Variants in ZPBP observed in about 807,000 individuals in gnomAD.
The protein encoded by ZPBP is zona pellucida binding protein, also known as zona pellucida-binding protein 1.
Under a neutral mutation model 44.8 loss-of-function variants are expected in ZPBP, and 26 were observed. The observed-to-expected ratio is 0.58, with a 90% CI of 0.43 to 0.81. ZPBP has a LOEUF of 0.81. Ranked by LOEUF, ZPBP falls within the 30% of genes least tolerant of loss-of-function variation. ZPBP has a pLI of 0.00. For synonymous variants in ZPBP, 174 were observed against 153.2 expected (o/e 1.14, Z -1.00); for missense variants, 409 against 434.0 (o/e 0.94, Z 0.51).
intron 7 of ZPBP, among the ~76,000 whole-genome samples, chr7:49,954,355 A>G (rs1319410843): frequency 6.6e-6 from 1 of 152,188 alleles, no homozygotes; most frequent in Non-Finnish European, 1.5e-5. Flanking sequence ...GGAAAAAAAC[A>G]TAAGGTTAAA....
chr7:50,073,193 T>C (rs1801933936), intron 3 of ZPBP, among the ~76,000 whole-genome samples: 1 of 152,022 alleles, frequency 6.6e-6, no homozygotes, highest in South Asian at 2.1e-4. Flanking sequence ...TAATTAGATA[T>C]ATTTAACAAA....
intron 3 of ZPBP, among the ~76,000 whole-genome samples, chr7:50,074,889 C>G (rs1476237913): frequency 6.6e-6 from 1 of 151,740 alleles, no homozygotes; most frequent in African/African-American, 2.4e-5. Flanking sequence ...AAGGAAACAT[C>G]AGACTTAATC....
intron 2 of ZPBP, among the ~76,000 whole-genome samples, chr7:49,885,916 C>T (rs532435386): frequency 2.6e-5 from 4 of 152,348 alleles, no homozygotes; most frequent in East Asian, 3.9e-4. Flanking sequence ...TCAAGACCTC[C>T]GTGATTCTGG....
chr7:50,091,979 T>C (rs934151876), intron 1 of ZPBP, among the ~76,000 whole-genome samples: 2 of 152,178 alleles, frequency 1.3e-5, no homozygotes, highest in East Asian at 1.9e-4. Flanking sequence ...ATGGGACTAA[T>C]AATAATTCCA....
At chr7:49,978,946 A>T (rs1040045090) in intron 7 of ZPBP, among the ~76,000 whole-genome samples, 1 of 152,094 alleles carries the variant, frequency 6.6e-6, no homozygotes, top group Admixed American at 6.6e-5. Flanking sequence ...AATAGCTTAC[A>T]GGAATGATAA....
intron 2 of ZPBP, among the ~76,000 whole-genome samples, chr7:49,900,680 A>G (rs1792675239): frequency 6.6e-6 from 1 of 151,852 alleles, no homozygotes; most frequent in South Asian, 2.1e-4. Flanking sequence ...CTTCCAAAAC[A>G]GGAAGCACCG....
chr7:50,018,666 T>A (rs1208433969), intron 5 of ZPBP, among the ~76,000 whole-genome samples: 2 of 152,026 alleles, frequency 1.3e-5, no homozygotes, highest in African/African-American at 4.8e-5. Flanking sequence ...TGTATTTAAC[T>A]CTATATAATA....
In ZPBP at chr7:49,948,535, C is replaced by T. The variant is rs572009845; in HGVS notation, c.962-10913G>A. On this transcript the variant is annotated intron_variant, in intron 7 of 7. Transcript: ENST00000046087. ...AAACTCCTATAATTCAACAAACAAC[C>T]CAATTAAAAAATGGGAAGAAGACTT... Among the ~76,000 whole-genome samples, 10 of 151,848 alleles carry T rather than the reference C, an allele frequency of 6.6e-5. 1 individual carries two copies. In the South Asian group the frequency reaches 2.1e-3, roughly 32 times the overall value.
chr7:49,951,299 C>G (rs1234144881), intron 7 of ZPBP, among the ~76,000 whole-genome samples: 2 of 151,724 alleles, frequency 1.3e-5, no homozygotes, highest in African/African-American at 4.8e-5. Context: ...AAAATATTTG[C>G]AAAGCATATA....
intron 2 of ZPBP, among the ~76,000 whole-genome samples, chr7:49,876,326 C>T (rs1791413271): frequency 6.6e-6 from 1 of 152,018 alleles, no homozygotes; most frequent in African/African-American, 2.4e-5. Flanking sequence ...ATTTAAAAGA[C>T]CCAATTTTTA....
chr7:49,941,848 T>G (rs549667254), intron 7 of ZPBP, among the ~76,000 whole-genome samples: 1 of 152,250 alleles, frequency 6.6e-6, no homozygotes, highest in East Asian at 1.9e-4. Context: ...TCACATTTCC[T>G]GATTTTAAAA....
At chr7:49,853,232 G>A (rs1790269690) in intron 2 of ZPBP, among the ~76,000 whole-genome samples, 1 of 152,274 alleles carries the variant, frequency 6.6e-6, no homozygotes, top group Admixed American at 6.5e-5. Flanking sequence ...GCCGTGTGGA[G>A]TGGGCATGTT....
intron 4 of ZPBP, among the ~76,000 whole-genome samples, chr7:50,054,237 G>A (rs1050448348): frequency 1.3e-5 from 2 of 150,586 alleles, no homozygotes; most frequent in Non-Finnish European, 3.0e-5. Context: ...ACAACTCAGA[G>A]AATTAAAATT....
At position 49,978,030 on chromosome 7, in the gene ZPBP, T is replaced by TA. The variant is rs1796605415; in HGVS notation, c.961+5311dup. On this transcript the variant is annotated intron_variant, in intron 7 of 7. Transcript: ENST00000046087. Reference sequence around the variant, plus strand: ...AAAAATAGGAAGGGATCTGGGGTATTATGTCAAAGAATGCTACTTGATCTA... The same window carrying TA: ...AAAAATAGGAAGGGATCTGGGGTATTAATGTCAAAGAATGCTACTTGATCTA... Among the ~76,000 whole-genome samples, 3 of 151,774 alleles carry TA rather than the reference T, an allele frequency of 2.0e-5. No individual in the cohort carries two copies. In the South Asian group the frequency reaches 6.2e-4, roughly 31 times the overall value.
intron 6 of ZPBP, among the ~76,000 whole-genome samples, chr7:49,994,998 C>A (rs939320412): frequency 6.6e-6 from 1 of 152,140 alleles, no homozygotes; most frequent in African/African-American, 2.4e-5. Flanking sequence ...CCAGATGCAA[C>A]AACATACCCT....
intron 1 of ZPBP, chr7:49,916,620 T>C (rs1243801537): frequency 2.0e-5 from 3 of 152,238 alleles, no homozygotes; most frequent in African/African-American, 7.2e-5. Flanking sequence ...TGTGAAATAT[T>C]CAATTCCCAA....
chr7:50,051,967 T>A (rs529490064), intron 4 of ZPBP, among the ~76,000 whole-genome samples: 2 of 87,380 alleles, frequency 2.3e-5, no homozygotes, highest in East Asian at 6.1e-4. Flanking sequence ...ATGAAAATAA[T>A]TTTTTTTTAA....
chr7:49,979,666 A>G (rs931711640), intron 7 of ZPBP, among the ~76,000 whole-genome samples: 1 of 150,906 alleles, frequency 6.6e-6, no homozygotes, highest in African/African-American at 2.4e-5. Context: ...ATTTCAAAAT[A>G]CTTATAATTG....
At chr7:50,052,908 T>G (rs947689049) in intron 4 of ZPBP, among the ~76,000 whole-genome samples, 1 of 152,110 alleles carries the variant, frequency 6.6e-6, no homozygotes, top group African/African-American at 2.4e-5. Flanking sequence ...TGAGAGAAGA[T>G]TGGTGGTTGC....
Sources: allele counts gnomAD v4.1 joint callset (sites outside exome capture counted in the v4.1 genomes callset), GRCh38; gene constraint gnomAD v4.1.1; transcripts MANE v1.5; gene names NCBI Gene and HGNC (gene_info 2026-07-23, HGNC 2026-07-21).